Variants in PCDHA1 observed in about 807,000 individuals in gnomAD.
PCDHA1 encodes protocadherin alpha-1.
In PCDHA1, 42 loss-of-function variants were observed where a neutral mutation model predicts 61.3. The ratio of observed to expected loss-of-function variants is 0.69; its 90% CI spans 0.54 to 0.89. PCDHA1 has a LOEUF of 0.89. PCDHA1 is among the 40% of genes least tolerant of loss of function. The pLI, the probability that PCDHA1 is intolerant of heterozygous loss-of-function variation, is 0.00. For missense variants in PCDHA1, 1,256 were observed against 1,235.3 expected (o/e 1.02, Z -0.25); for synonymous variants, 610 against 553.8 (o/e 1.10, Z -1.43).
chr5:140,966,958 G>C (rs561982676), intron 1 of PCDHA1: 1 of 1,602,498 alleles, frequency 6.2e-7, no homozygotes, highest in South Asian at 1.1e-5. Context: ...TGGCTCGCGC[G>C]CTGGGGCTTG....
intron 1 of PCDHA1, chr5:140,834,176 G>T: frequency 1.8e-6 from 1 of 555,610 alleles, no homozygotes; most frequent in South Asian, 2.7e-5. Context: ...TTACATGATG[G>T]CCACATGATG....
intron 1 of PCDHA1, among the ~76,000 whole-genome samples, chr5:140,946,772 TG>T (rs2094025159): frequency 6.6e-6 from 1 of 151,346 alleles, no homozygotes; most frequent in Non-Finnish European, 1.5e-5. Context: ...TCATGTGGAA[TG>T]TAAAAAAGCT....
rs370695877 is a variant in PCDHA1 at position 140,787,813 on chromosome 5, T to A, written c.1523T>A (p.Val508Glu). The A allele has an allele frequency of 3.7e-6, 6 of 1,612,428 alleles. No individual in the cohort carries two copies. The South Asian group carries it at 5.5e-5, about 15-fold the overall frequency. The change falls in exon 1 of 4, where the codon GTG becomes GAG. Residue 508 changes from valine (V) to glutamate (E), a missense_variant. Coordinates refer to ENST00000504120, the MANE Select transcript of PCDHA1 (RefSeq NM_018900.4). ...GGCGAGCGCGCGCTGTCGAACTACG[T>A]GTCAGTGCACGCGGAGAGCGGCAAG... ...RVGERALSNY[V>E]SVHAESGKVY...
chr5:140,953,528 C>T (rs2094898852), intron 1 of PCDHA1, among the ~76,000 whole-genome samples: 1 of 152,112 alleles, frequency 6.6e-6, no homozygotes, highest in Non-Finnish European at 1.5e-5. Context: ...AAACGGGAAA[C>T]TCACTTCATG....
At chr5:140,870,141 T>C in intron 1 of PCDHA1, 1 of 1,613,952 alleles carries the variant, frequency 6.2e-7, no homozygotes, top group Non-Finnish European at 8.5e-7. Flanking sequence ...ACGATAACTC[T>C]CCTGAAGTCG....
At position 140,835,912 on chromosome 5, in the gene PCDHA1, T is replaced by C. The variant is rs2150248212; in HGVS notation, c.2394+47228T>C. ...CGCGCGCTGTCGAGCTACGTGTCAG[T>C]GCACGCGGAGAGCGGCAAGGTGTAC... On this transcript the variant is annotated intron_variant, in intron 1 of 3. Coordinates refer to ENST00000504120, the MANE Select transcript of PCDHA1 (RefSeq NM_018900.4). 1.9e-5 allele frequency: 30 copies of C among 1,612,232 alleles called. 1 individual carries two copies. In the South Asian group the frequency reaches 2.6e-4, roughly 14 times the overall value.
intron 1 of PCDHA1, among the ~76,000 whole-genome samples, chr5:140,941,194 TCTTTCTTCCTTTCTTTCTTCCTTTC>T (rs1257521577): frequency 8.9e-6 from 1 of 112,354 alleles, no homozygotes; most frequent in Admixed American, 9.1e-5. Context: ...TCTTTTTTTT[TCTTTCTTCCTTTCTTTCTTCCTTTC>T]TTTCTTTCTT....
At position 140,964,709 on chromosome 5, in the gene PCDHA1, A is replaced by G. The variant is rs115609419; in HGVS notation, c.2395-14240A>G. On this transcript the variant is annotated intron_variant, in intron 1 of 3. Coordinates refer to ENST00000504120, the MANE Select transcript of PCDHA1 (RefSeq NM_018900.4). ...CACTTGAGAGATTAAGGCCTCCGAG[A>G]TCAAATTACCACAGCAAACTGAGAC... is the stretch of plus-strand genomic sequence containing the variant. Among the ~76,000 whole-genome samples the G allele has an allele frequency of 4.5e-3, 689 of 152,134 alleles. 3 individuals are homozygous for G. Among genetic ancestry groups the G allele is most frequent in the African/African-American group, 0.016 (667 of 41,492 alleles).
At chr5:140,889,949 A>G (rs1444545834) in intron 1 of PCDHA1, among the ~76,000 whole-genome samples, 1 of 152,202 alleles carries the variant, frequency 6.6e-6, no homozygotes, top group South Asian at 2.1e-4. Flanking sequence ...GAGAAGCCAA[A>G]TGGATAGAAA....
chr5:140,890,045 T>C (rs1192229071), intron 1 of PCDHA1, among the ~76,000 whole-genome samples: 1 of 152,206 alleles, frequency 6.6e-6, no homozygotes, highest in African/African-American at 2.4e-5. Context: ...TGTAGTGTGT[T>C]GGAGCTGGCT....
chr5:140,922,326 G>A (rs2080778185), intron 1 of PCDHA1, among the ~76,000 whole-genome samples: 1 of 152,212 alleles, frequency 6.6e-6, no homozygotes, highest in Admixed American at 6.5e-5. Context: ...ATCTTGGAAA[G>A]GGTTGGTATA....
rs2126638059 is a variant in PCDHA1 at position 140,812,385 on chromosome 5, A to G, written c.2394+23701A>G. ...CTTCCAGTCTTTTTGTTTTTTTCTT[A>G]GTCTAGCTAAGGGGCTTGTCAGTTT... On this transcript the variant is annotated intron_variant, in intron 1 of 3. Transcript: ENST00000504120. 9.2e-5 allele frequency: 14 copies of G among 151,850 alleles called. No individual in the cohort carries two copies. In the East Asian group the frequency reaches 2.1e-3, roughly 23 times the overall value. 9.4% of individuals were successfully genotyped at this position (151,850 alleles called of 1,614,324 possible).
At position 140,850,924 on chromosome 5, in the gene PCDHA1, T is replaced by G. The variant is rs2150502629; in HGVS notation, c.2394+62240T>G. ...TCTAGCATTTTATTTATTTATATAA[T>G]TTTTTTTCTTGAAAGATATTATCGA... On this transcript the variant is annotated intron_variant, in intron 1 of 3. Transcript: ENST00000504120. 179 of 1,517,174 alleles carry G rather than the reference T, an allele frequency of 1.2e-4. 13 individuals carry two copies. The Admixed American group carries it at 3.8e-3, about 32-fold the overall frequency. The allele number at this position is 1,517,174 out of a possible 1,614,324, so 94.0% of individuals were successfully genotyped here. A position where few individuals can be genotyped will look rare whatever the true frequency, so the allele number is the denominator to read the frequency against.
At chr5:140,870,481 A>C (rs1329928274) in intron 1 of PCDHA1, 1 of 1,614,210 alleles carries the variant, frequency 6.2e-7, no homozygotes, top group East Asian at 2.2e-5. Context: ...GCCCGAGTAC[A>C]CCGTGTTCGT....
chr5:140,803,042 C>T lies in PCDHA1; in HGVS notation c.2394+14358C>T, dbSNP rs373825257. ...TTTCGTATGAGCTGCAGCCTGGGAC[C>T]GGCGGTGCGCGCATCCCGTTTCGCG... On this transcript the variant is annotated intron_variant, in intron 1 of 3. Coordinates refer to ENST00000504120, the MANE Select transcript of PCDHA1 (RefSeq NM_018900.4). 3.7e-6 allele frequency: 6 copies of T among 1,614,004 alleles called. No homozygotes were observed. The Admixed American group carries it at 6.7e-5, about 18-fold the overall frequency.
Position 140,848,364 on chromosome 5 carries a change from G to A in PCDHA1, c.2394+59680G>A, listed in dbSNP as rs2150409515. On this transcript the variant is annotated intron_variant, in intron 1 of 3. Transcript: ENST00000504120. ...AATACAGCCCTTTTCCCATGGGAAA[G>A]AGGCTCAATTCTTTTTCACTCTCTC... The A allele has an allele frequency of 1.5e-5, 16 of 1,077,594 alleles. 3 individuals carry two copies. In the Admixed American group the frequency reaches 2.3e-4, roughly 16 times the overall value. 66.8% of individuals were successfully genotyped at this position (1,077,594 alleles called of 1,614,324 possible). A position where few individuals can be genotyped will look rare whatever the true frequency, so the allele number is the denominator to read the frequency against.
chr5:140,920,630 G>A (rs937787340), intron 1 of PCDHA1, among the ~76,000 whole-genome samples: 1 of 152,060 alleles, frequency 6.6e-6, no homozygotes, highest in Non-Finnish European at 1.5e-5. Flanking sequence ...TGGATCACAA[G>A]GTCAAGAGAT....
chr5:140,863,266 G>T, intron 1 of PCDHA1: 2 of 1,458,576 alleles, frequency 1.4e-6, no homozygotes, highest in Non-Finnish European at 1.9e-6. Context: ...CCGGGAGGCA[G>T]CGCTGGTGGA....
At chr5:140,911,250 A>G (rs1165718759) in intron 1 of PCDHA1, among the ~76,000 whole-genome samples, 1 of 152,166 alleles carries the variant, frequency 6.6e-6, no homozygotes. Context: ...AAGTTTCATC[A>G]GAATTTATAA....
Sources: gnomAD v4.1 joint callset for allele counts (sites outside exome capture counted in the v4.1 genomes callset) on GRCh38, gnomAD v4.1.1 for gene constraint, MANE v1.5 for transcripts, NCBI Gene and HGNC (gene_info 2026-07-23, HGNC 2026-07-21) for gene names.